The following ZNF469 variants were observed in gnomAD, a reference collection of about 807,000 sequenced individuals.
The protein encoded by ZNF469 is zinc finger protein 469.
In ZNF469, 1 loss-of-function variant was observed where a neutral mutation model predicts 1.0. The ratio of observed to expected loss-of-function variants is 1.00; its 90% CI spans 0.35 to 4.73. The LOEUF is 4.73. Ranked by LOEUF, ZNF469 falls within the 30% of genes most tolerant of loss-of-function variation. The probability of loss-of-function intolerance (pLI) is 0.16; values close to 1 mark genes in which losing one functional copy is unlikely to be tolerated. For missense variants in ZNF469, 6,100 were observed against 5,356.3 expected, an observed-to-expected ratio of 1.14 and a Z score of -4.33; for synonymous variants, 2,703 against 2,363.4, an observed-to-expected ratio of 1.14 and a Z score of -4.17.
the ZNF469 span, among the ~76,000 whole-genome samples, chr16:88,367,549 A>C: frequency 0.51 from 78,166 of 152,060 alleles, 22,045 homozygotes; most frequent in Non-Finnish European, 0.64. Context: ...TTTGGAAGGA[A>C]GTGCACGTCC....
the ZNF469 span, among the ~76,000 whole-genome samples, chr16:88,195,407 A>G: frequency 6.6e-6 from 1 of 152,198 alleles, no homozygotes; most frequent in Non-Finnish European, 1.5e-5. Flanking sequence ...GCGAAAATCC[A>G]TGATTCAGTT....
chr16:88,361,901 T>A, the ZNF469 span, among the ~76,000 whole-genome samples: 1 of 152,214 alleles, frequency 6.6e-6, no homozygotes, highest in African/African-American at 2.4e-5. Flanking sequence ...TGTGCCTGTG[T>A]CATTGGTTGG....
chr16:88,439,536 G>T lies in ZNF469; in HGVS notation c.*204G>T. ...CATTCCCTTTCTTGCTGGAAGGCTG[G>T]GGGTGAAAGACGGGGCCACTGCAGC... On this transcript the variant is annotated 3_prime_UTR_variant, in exon 3 of 3. Coordinates refer to ENST00000565624, the MANE Select transcript of ZNF469 (RefSeq NM_001367624.2). The T allele has an allele frequency of 1.6e-6, 1 of 632,728 alleles. No individual in the cohort carries two copies. The highest frequency in any genetic ancestry group is 2.7e-6 in the Non-Finnish European group (1 of 365,938). 39.2% of individuals were successfully genotyped at this position (632,728 alleles called of 1,614,324 possible).
At chr16:88,243,816 G>A in the ZNF469 span, among the ~76,000 whole-genome samples, 1 of 149,704 alleles carries the variant, frequency 6.7e-6, no homozygotes, top group Admixed American at 6.7e-5. Flanking sequence ...AGATGAATAG[G>A]TGGATGCATT....
upstream of ZNF469, among the ~76,000 whole-genome samples, chr16:88,380,339 G>GCACTCACA (rs2092518018): frequency 2.1e-5 from 1 of 47,232 alleles, no homozygotes; most frequent in Non-Finnish European, 3.2e-5. Context: ...ACTCACACAT[G>GCACTCACA]CGCTCACACA....
the ZNF469 span, among the ~76,000 whole-genome samples, chr16:88,319,755 C>G: frequency 6.6e-6 from 1 of 152,236 alleles, no homozygotes; most frequent in African/African-American, 2.4e-5. Context: ...GGTCAGGAGC[C>G]GGCCCCCAGG....
the ZNF469 span, among the ~76,000 whole-genome samples, chr16:88,347,044 A>T: frequency 3.3e-5 from 5 of 152,206 alleles, no homozygotes; most frequent in African/African-American, 1.2e-4. Context: ...TTCACAGGGA[A>T]AGAGCAGAAA....
the ZNF469 span, among the ~76,000 whole-genome samples, chr16:88,274,221 C>T: frequency 1.3e-5 from 2 of 152,100 alleles, no homozygotes; most frequent in South Asian, 4.1e-4. Flanking sequence ...TGTCTAATAC[C>T]CATGGTGTGA....
the ZNF469 span, among the ~76,000 whole-genome samples, chr16:88,154,486 A>G: frequency 6.6e-6 from 1 of 152,194 alleles, no homozygotes; most frequent in African/African-American, 2.4e-5. Flanking sequence ...CTTCTGTCAA[A>G]AAACACTTTG....
the ZNF469 span, among the ~76,000 whole-genome samples, chr16:88,358,241 C>T: frequency 6.6e-6 from 1 of 152,200 alleles, no homozygotes; most frequent in African/African-American, 2.4e-5. Flanking sequence ...GGACCCCCAG[C>T]GCCCAGGGGC....
chr16:88,298,115 G>C, the ZNF469 span, among the ~76,000 whole-genome samples: 1 of 152,130 alleles, frequency 6.6e-6, no homozygotes, highest in Non-Finnish European at 1.5e-5. Flanking sequence ...ATGTAACCCC[G>C]CCATCCTCTT....
chr16:88,199,168 A>G, the ZNF469 span, among the ~76,000 whole-genome samples: 2 of 152,132 alleles, frequency 1.3e-5, no homozygotes, highest in East Asian at 3.9e-4. Context: ...GCAGATGGGA[A>G]TGAGGACCTC....
At chr16:88,386,844 G>A (rs1904342665) in intron 1 of ZNF469, among the ~76,000 whole-genome samples, 4 of 151,924 alleles carry the variant, frequency 2.6e-5, no homozygotes. Context: ...ATGGGGCTCT[G>A]TGAAGTAGCC....
At chr16:88,110,355 T>G in the ZNF469 span, among the ~76,000 whole-genome samples, 1 of 152,230 alleles carries the variant, frequency 6.6e-6, no homozygotes, top group Non-Finnish European at 1.5e-5. Flanking sequence ...AGAATTCTGC[T>G]CCCGCTCACG....
At chr16:88,159,846 T>G in the ZNF469 span, among the ~76,000 whole-genome samples, 407 of 152,206 alleles carry the variant, frequency 2.7e-3, 3 homozygotes, top group African/African-American at 9.4e-3. Context: ...AAAGCAAGGA[T>G]GGTCCCTGAG....
chr16:88,439,226 C>T lies in ZNF469; in HGVS notation c.11756C>T (p.Pro3919Leu), dbSNP rs749520338. Reference sequence around the variant, plus strand: ...GTCCACGGTGCTGAACCTGCCGAGCCACACACCCACCGGACGGCCGAGGCC... The same window carrying T: ...GTCCACGGTGCTGAACCTGCCGAGCTACACACCCACCGGACGGCCGAGGCC... ...TAVHGAEPAE[P>L]HTHRTAEAQS... The change falls in exon 3 of 3, where the codon CCA becomes CTA. Residue 3919 changes from proline to leucine, a missense_variant. Coordinates refer to ENST00000565624, the MANE Select transcript of ZNF469 (RefSeq NM_001367624.2). The T allele has an allele frequency of 1.3e-5, 20 of 1,550,482 alleles. No homozygotes were observed. Among genetic ancestry groups the T allele is most frequent in the East Asian group, 2.4e-5 (1 of 40,926 alleles).
At chr16:88,405,889 G>A (rs551965884) in intron 1 of ZNF469, among the ~76,000 whole-genome samples, 4 of 152,322 alleles carry the variant, frequency 2.6e-5, no homozygotes, top group East Asian at 1.9e-4. Context: ...AACACAAGAC[G>A]GTTCCTGCGT....
chr16:88,113,222 A>G, the ZNF469 span, among the ~76,000 whole-genome samples: 3 of 152,262 alleles, frequency 2.0e-5, no homozygotes, highest in African/African-American at 7.2e-5. Context: ...TAGTAGTTTC[A>G]TCATTGGAGG....
At chr16:88,273,999 T>G in the ZNF469 span, among the ~76,000 whole-genome samples, 6 of 152,146 alleles carry the variant, frequency 3.9e-5, no homozygotes, top group Admixed American at 6.5e-5. Flanking sequence ...GAGACGGGGT[T>G]TCACCATATC....
Sources: gnomAD v4.1 joint callset for allele counts (sites outside exome capture counted in the v4.1 genomes callset) on GRCh38, gnomAD v4.1.1 for gene constraint, MANE v1.5 for transcripts, NCBI Gene and HGNC (gene_info 2026-07-23, HGNC 2026-07-21) for gene names.